OR1L8: variants seen among roughly 807,000 people sequenced by gnomAD.
OR1L8 encodes the protein olfactory receptor 1L8.
For synonymous variants in OR1L8, 148 were observed against 147.0 expected, an observed-to-expected ratio of 1.01 and a Z score of -0.05; for missense variants, 330 against 377.4, an observed-to-expected ratio of 0.87 and a Z score of 1.04.
At chr9:122,547,747 A>G in the OR1L8 span, among the ~76,000 whole-genome samples, 2 of 152,106 alleles carry the variant, frequency 1.3e-5, no homozygotes, top group Admixed American at 6.6e-5. Flanking sequence ...TAGTGCTACA[A>G]TAAACATACA....
intron 4 of OR1L8, among the ~76,000 whole-genome samples, chr9:122,570,480 T>A (rs1300162210): frequency 6.6e-6 from 1 of 152,246 alleles, no homozygotes; most frequent in Admixed American, 6.5e-5. Flanking sequence ...ATTTTTCTTG[T>A]AAGTTACTAA....
chr9:122,550,442 C>CA, the OR1L8 span, among the ~76,000 whole-genome samples: 1 of 151,928 alleles, frequency 6.6e-6, no homozygotes, highest in Non-Finnish European at 1.5e-5. Context: ...TAAGGACACA[C>CA]AAAAAAGAAA....
chr9:122,554,175 A>C, the OR1L8 span: 2 of 1,589,602 alleles, frequency 1.3e-6, no homozygotes, highest in Middle Eastern at 3.4e-4. Flanking sequence ...AGACATCTAG[A>C]CGGTGATGTC....
rs187275392 is a variant in OR1L8, at chr9:122,571,587, G to A, written c.-213+1193C>T. Among the ~76,000 whole-genome samples the A allele has an allele frequency of 2.9e-3, 442 of 150,736 alleles. 2 individuals carry two copies. Among genetic ancestry groups the A allele is most frequent in the Non-Finnish European group, 5.1e-3 (347 of 67,726 alleles). On this transcript the variant is annotated intron_variant, in intron 4 of 4. Transcript: ENST00000641027. ...AAAAATTAGCTGAGTGTGGTGGGGC[G>A]CACCTGTAGTCCCAGCTACTCGGGA...
At chr9:122,571,091 A>G (rs1439778037) in intron 4 of OR1L8, among the ~76,000 whole-genome samples, 1 of 152,222 alleles carries the variant, frequency 6.6e-6, no homozygotes, top group Non-Finnish European at 1.5e-5. Context: ...TTTCTACAGA[A>G]TTACCCTCTT....
the OR1L8 span, chr9:122,553,188 C>T: frequency 2.4e-5 from 38 of 1,609,492 alleles, no homozygotes; most frequent in Middle Eastern, 1.7e-4. Flanking sequence ...TTTTTATCTG[C>T]GCAGATCACA....
intron 3 of OR1L8, 135 bp downstream of exon 3, chr9:122,576,631 G>C (rs1008506377): frequency 3.9e-5 from 6 of 152,108 alleles, no homozygotes; most frequent in African/African-American, 1.4e-4. Flanking sequence ...TGAGAACCAG[G>C]TAGAACTCTG....
downstream of OR1L8, among the ~76,000 whole-genome samples, chr9:122,565,267 C>G (rs968160190): frequency 6.6e-6 from 1 of 152,140 alleles, no homozygotes. Context: ...GTGAATAGAC[C>G]TCTATGAATG....
chr9:122,576,155 T>A (rs1295807276), intron 3 of OR1L8, among the ~76,000 whole-genome samples: 11 of 152,172 alleles, frequency 7.2e-5, no homozygotes, highest in Admixed American at 7.2e-4. Flanking sequence ...TGCTGTTGAC[T>A]TGTAAGAGTA....
At chr9:122,556,692 AAAGT>A in the OR1L8 span, among the ~76,000 whole-genome samples, 1 of 152,296 alleles carries the variant, frequency 6.6e-6, no homozygotes, top group East Asian at 1.9e-4. Context: ...AAAGAAAAAA[AAAGT>A]AAGTAGTGTC....
At chr9:122,562,311 A>G (rs1052965338), downstream of OR1L8, among the ~76,000 whole-genome samples, 2 of 152,246 alleles carry the variant, frequency 1.3e-5, no homozygotes, top group African/African-American at 4.8e-5. Context: ...GAGCTTAGAC[A>G]GCTTAGGCAG....
At chr9:122,577,538 A>C (rs1829679069) in intron 2 of OR1L8, among the ~76,000 whole-genome samples, 1 of 152,222 alleles carries the variant, frequency 6.6e-6, no homozygotes, top group South Asian at 2.1e-4. Flanking sequence ...TAAGCATGTG[A>C]ACAAGTAATT....
chr9:122,575,376 G>C (rs867322971), intron 3 of OR1L8, among the ~76,000 whole-genome samples: 9 of 152,070 alleles, frequency 5.9e-5, no homozygotes, highest in Admixed American at 2.0e-4. Context: ...TATAGATACA[G>C]TTCTATCAAT....
At chr9:122,577,244 G>A (rs886351021) in intron 2 of OR1L8, among the ~76,000 whole-genome samples, 2 of 151,882 alleles carry the variant, frequency 1.3e-5, no homozygotes, top group African/African-American at 2.4e-5. Flanking sequence ...TTAGTCTTTC[G>A]GTATAAGCCC....
intron 3 of OR1L8, among the ~76,000 whole-genome samples, chr9:122,574,794 C>T (rs1829620727): frequency 6.6e-6 from 1 of 152,036 alleles, no homozygotes; most frequent in South Asian, 2.1e-4. Flanking sequence ...CTCCTAGTTT[C>T]TCGCCATCAT....
the OR1L8 span, among the ~76,000 whole-genome samples, chr9:122,561,446 T>G: frequency 0.018 from 2,729 of 152,298 alleles, 74 homozygotes; most frequent in African/African-American, 0.062. Context: ...TCAGCGTTTT[T>G]TCGTTGATTC....
the OR1L8 span, among the ~76,000 whole-genome samples, chr9:122,559,125 G>A: frequency 2.0e-5 from 3 of 151,772 alleles, no homozygotes; most frequent in Non-Finnish European, 4.4e-5. Context: ...TCATGCTTTT[G>A]TACAATAGAA....
the OR1L8 span, among the ~76,000 whole-genome samples, chr9:122,547,131 A>C: frequency 6.6e-6 from 1 of 152,158 alleles, no homozygotes; most frequent in Non-Finnish European, 1.5e-5. Context: ...AAAAAATAAT[A>C]ATTTAAAAAA....
At chr9:122,565,639 T>C (rs1336826802), downstream of OR1L8, among the ~76,000 whole-genome samples, 2 of 152,252 alleles carry the variant, frequency 1.3e-5, no homozygotes, top group African/African-American at 4.8e-5. Context: ...AGTCTGCTTC[T>C]GTCATAGAAG....
Sources: allele counts gnomAD v4.1 joint callset (sites outside exome capture counted in the v4.1 genomes callset), GRCh38; gene constraint gnomAD v4.1.1; transcripts MANE v1.5; gene names NCBI Gene and HGNC (gene_info 2026-07-23, HGNC 2026-07-21).